The following SPON1 variants were observed in gnomAD, a reference collection of about 807,000 sequenced individuals.
SPON1 encodes the protein spondin-1.
SPON1 carries 52 observed loss-of-function variants against 111.7 expected under a neutral mutation model. That is an observed-to-expected ratio of 0.47 (90% confidence interval 0.37 to 0.59). The LOEUF is 0.59. Among genes scored for constraint, SPON1 ranks in the 20% least tolerant of loss-of-function variants. The pLI is 0.00. For missense variants in SPON1, 957 were observed against 1,068.5 expected (o/e 0.90, Z 1.46); for synonymous variants, 410 against 395.8 (o/e 1.04, Z -0.43).
At chr11:14,076,702 A>G (rs1486213440) in intron 4 of SPON1, among the ~76,000 whole-genome samples, 2 of 152,180 alleles carry the variant, frequency 1.3e-5, no homozygotes, top group African/African-American at 2.4e-5. Context: ...TGACAGATCA[A>G]TGCATTGTCC....
At chr11:14,103,005 A>C (rs1554924533) in intron 5 of SPON1, among the ~76,000 whole-genome samples, 1 of 151,936 alleles carries the variant, frequency 6.6e-6, no homozygotes. Context: ...GGATTTAGTT[A>C]CTGTGGCAGG....
intron 6 of SPON1, among the ~76,000 whole-genome samples, chr11:14,189,638 C>G (rs554624493): frequency 1.3e-5 from 2 of 152,302 alleles, no homozygotes; most frequent in African/African-American, 4.8e-5. Flanking sequence ...TTGTCTCCAA[C>G]GCAGTTCGCT....
chr11:14,254,461 G>T (rs1481259839), intron 7 of SPON1, 67 bp from the exon 8 acceptor site: 3 of 1,366,340 alleles, frequency 2.2e-6, no homozygotes, highest in Middle Eastern at 1.9e-4. Context: ...AATCCAGGCA[G>T]ATTTCCCTCA....
At chr11:14,103,069 G>A (rs1367850515) in intron 5 of SPON1, among the ~76,000 whole-genome samples, 1 of 152,056 alleles carries the variant, frequency 6.6e-6, no homozygotes, top group Non-Finnish European at 1.5e-5. Context: ...TGTATGATGG[G>A]GAAAGGCCAA....
In SPON1 at chr11:13,989,796, G is replaced by A. The variant is rs191794607; in HGVS notation, c.345+6843G>A. 7.8e-4 allele frequency among the ~76,000 whole-genome samples: 118 copies of A among 152,116 alleles called. 2 individuals carry two copies. Among genetic ancestry groups the A allele is most frequent in the African/African-American group, 2.6e-3 (109 of 41,516 alleles). ...ACATCTTTATTTCTGCCTTCATTTC[G>A]TTATTTACCCAGTAGTCATTCAGGA... On this transcript the variant is annotated intron_variant, in intron 2 of 15. Transcript: ENST00000576479.
At chr11:14,094,217 A>C (rs541965500) in intron 5 of SPON1, among the ~76,000 whole-genome samples, 56 of 151,920 alleles carry the variant, frequency 3.7e-4, no homozygotes, top group Non-Finnish European at 6.6e-4. Context: ...GTCTCAAAAA[A>C]AAAAAAAAAG....
rs1005971021 is a variant in SPON1 at position 14,202,960 on chromosome 11, T to C, written c.826-40372T>C. ...TCATGCTAATAGTGTCTGTCTATAA[T>C]CAACCTCAATCTACCATTCACCACG... On this transcript the variant is annotated intron_variant, in intron 6 of 15. Coordinates refer to ENST00000576479, the MANE Select transcript of SPON1 (RefSeq NM_006108.4). Among the ~76,000 whole-genome samples the C allele has an allele frequency of 2.6e-5, 4 of 152,236 alleles. No individual in the cohort carries two copies. The South Asian group carries it at 6.2e-4, about 24-fold the overall frequency.
chr11:14,069,702 G>A (rs1554920694), intron 3 of SPON1, among the ~76,000 whole-genome samples: 2 of 152,038 alleles, frequency 1.3e-5, no homozygotes, highest in African/African-American at 4.8e-5. Context: ...ATATGTTTTT[G>A]AGTGAGTGAT....
At chr11:14,182,050 T>C (rs1459559863) in intron 6 of SPON1, among the ~76,000 whole-genome samples, 1 of 152,112 alleles carries the variant, frequency 6.6e-6, no homozygotes, top group Non-Finnish European at 1.5e-5. Flanking sequence ...GCTAAAAAAA[T>C]TGGTAACTTG....
intron 5 of SPON1, among the ~76,000 whole-genome samples, chr11:14,127,097 C>T (rs1847468662): frequency 1.3e-5 from 2 of 152,134 alleles, no homozygotes; most frequent in African/African-American, 4.8e-5. Flanking sequence ...TTTAATTTTA[C>T]TAGCTAATAT....
Position 14,265,912 on chromosome 11 carries a change from G to T in SPON1, c.*225G>T, listed in dbSNP as rs376988558. 29 of 484,184 alleles carry T rather than the reference G, an allele frequency of 6.0e-5. No homozygotes were observed. Among genetic ancestry groups the T allele is most frequent in the East Asian group, 4.6e-4 (12 of 26,044 alleles). The allele number at this position is 484,184 out of a possible 1,614,324, so 30.0% of individuals were successfully genotyped here. ...CTCCAGCCAGCCTCTTCCTGCAGAG[G>T]AGTAGTGTCAGCCACCTTGTACTAA... On this transcript the variant is annotated 3_prime_UTR_variant, in exon 16 of 16. Coordinates refer to ENST00000576479, the MANE Select transcript of SPON1 (RefSeq NM_006108.4).
At chr11:14,117,224 A>C (rs1849273434) in intron 5 of SPON1, among the ~76,000 whole-genome samples, 1 of 152,166 alleles carries the variant, frequency 6.6e-6, no homozygotes. Flanking sequence ...TACGATGTTA[A>C]ATAGAAGTGG....
At chr11:14,144,490 C>T (rs868941210) in intron 6 of SPON1, among the ~76,000 whole-genome samples, 1 of 151,814 alleles carries the variant, frequency 6.6e-6, no homozygotes, top group African/African-American at 2.4e-5. Flanking sequence ...ATTAGCCAGG[C>T]GTGGCGGCAG....
At chr11:14,211,533 A>G (rs1554936739) in intron 6 of SPON1, among the ~76,000 whole-genome samples, 1 of 152,238 alleles carries the variant, frequency 6.6e-6, no homozygotes. Context: ...AAGAATCAAT[A>G]TCATGAAAAT....
At chr11:14,134,692 T>C (rs1554927876) in intron 5 of SPON1, among the ~76,000 whole-genome samples, 1 of 152,216 alleles carries the variant, frequency 6.6e-6, no homozygotes. Context: ...TCTCCAGCTC[T>C]CCACTCCAAC....
At chr11:14,216,781 G>A (rs1239089818) in intron 6 of SPON1, among the ~76,000 whole-genome samples, 1 of 152,132 alleles carries the variant, frequency 6.6e-6, no homozygotes, top group East Asian at 1.9e-4. Context: ...CTCCCAACAA[G>A]GTTGCATTGG....
intron 4 of SPON1, 44 bp from the exon 5 acceptor site, chr11:14,079,854 AC>A (rs1564900096): frequency 6.2e-7 from 1 of 1,612,392 alleles, no homozygotes; most frequent in South Asian, 1.1e-5. Flanking sequence ...CTTATATACA[AC>A]CCACGTTTAC....
chr11:14,117,579 C>T (rs1465863824), intron 5 of SPON1, among the ~76,000 whole-genome samples: 3 of 152,078 alleles, frequency 2.0e-5, no homozygotes, highest in Non-Finnish European at 2.9e-5. Context: ...ATAGAGTTTG[C>T]TAATATTTTG....
At chr11:14,199,610 G>A (rs1446460612) in intron 6 of SPON1, among the ~76,000 whole-genome samples, 1 of 152,130 alleles carries the variant, frequency 6.6e-6, no homozygotes, top group Non-Finnish European at 1.5e-5. Flanking sequence ...ACTAGAAAGG[G>A]CTTTTTAAAC....
Sources: allele counts gnomAD v4.1 joint callset (sites outside exome capture counted in the v4.1 genomes callset), GRCh38; gene constraint gnomAD v4.1.1; transcripts MANE v1.5; gene names NCBI Gene and HGNC (gene_info 2026-07-23, HGNC 2026-07-21).